CEP85: variants seen among roughly 807,000 people sequenced by gnomAD.
CEP85 encodes the protein centrosomal protein of 85 kDa.
A neutral mutation model predicts 93.7 loss-of-function variants in CEP85; 58 were observed. The ratio of observed to expected loss-of-function variants is 0.62; its 90% CI spans 0.50 to 0.77. The LOEUF (loss-of-function observed/expected upper bound fraction) is 0.77, where lower values mean the gene tolerates loss of function less well. Among genes scored for constraint, CEP85 ranks in the 30% least tolerant of loss-of-function variants. The pLI, the probability that CEP85 is intolerant of heterozygous loss-of-function variation, is 0.00. For missense variants in CEP85, 868 were observed against 922.0 expected (o/e 0.94, Z 0.76); for synonymous variants, 314 against 338.6 (o/e 0.93, Z 0.80).
intron 2 of CEP85, 107 bp downstream of exon 2, chr1:26,239,945 T>A: frequency 1.3e-6 from 1 of 795,580 alleles, no homozygotes; most frequent in Admixed American, 2.3e-5. Flanking sequence ...ATGCTGGTGC[T>A]AAAAGAATAA....
chr1:26,247,808 G>T (rs192687801), intron 3 of CEP85, among the ~76,000 whole-genome samples: 382 of 151,992 alleles, frequency 2.5e-3, no homozygotes, highest in Middle Eastern at 3.4e-3. Flanking sequence ...CACTCAGCCA[G>T]TTTGTTTTGT....
At chr1:26,272,693 A>G (rs1056409518) in intron 11 of CEP85, among the ~76,000 whole-genome samples, 1 of 142,246 alleles carries the variant, frequency 7.0e-6, no homozygotes, top group African/African-American at 2.7e-5. Context: ...CAATGGCGCA[A>G]TCTCGGCTCA....
intron 3 of CEP85, among the ~76,000 whole-genome samples, chr1:26,251,069 A>G (rs1306380178): frequency 6.7e-6 from 1 of 148,448 alleles, no homozygotes; most frequent in Non-Finnish European, 1.5e-5. Flanking sequence ...CAGCCTCCCG[A>G]GTAGCTGGGA....
intron 1 of CEP85, among the ~76,000 whole-genome samples, chr1:26,235,258 G>A (rs2089307352): frequency 6.6e-6 from 1 of 152,222 alleles, no homozygotes; most frequent in Non-Finnish European, 1.5e-5. Flanking sequence ...AGTAGGGGGC[G>A]GTGGTGATAC....
chr1:26,256,544 A>G (rs2089704697), intron 4 of CEP85, among the ~76,000 whole-genome samples: 1 of 151,670 alleles, frequency 6.6e-6, no homozygotes. Flanking sequence ...AAATAAATAA[A>G]TAAATGTGAA....
chr1:26,250,932 C>CT (rs869156420), intron 3 of CEP85, among the ~76,000 whole-genome samples: 1 of 17,506 alleles, frequency 5.7e-5, no homozygotes, highest in African/African-American at 1.9e-4. Flanking sequence ...TTTCTTTTTT[C>CT]TTTTTTTTTT....
intron 2 of CEP85, among the ~76,000 whole-genome samples, chr1:26,243,719 G>C (rs1022242831): frequency 2.0e-5 from 3 of 152,118 alleles, no homozygotes; most frequent in Non-Finnish European, 4.4e-5. Context: ...ACTAGCTCAG[G>C]CTTGGCGCAG....
chr1:26,259,529 A>G (rs2089773096), intron 6 of CEP85, 88 bp from the exon 7 acceptor site: 5 of 1,240,098 alleles, frequency 4.0e-6, no homozygotes, highest in Non-Finnish European at 5.6e-6. Context: ...GAAAAATGAT[A>G]TTTGACCGTG....
At chr1:26,257,565 A>T (rs185536583) in intron 4 of CEP85, 32 bp from the exon 5 acceptor site, 3 of 1,612,634 alleles carry the variant, frequency 1.9e-6, no homozygotes, top group East Asian at 4.5e-5. Flanking sequence ...ATGGGTCAAG[A>T]TCAAGCTCAT....
At chr1:26,254,192 G>C (rs1356007233) in intron 3 of CEP85, among the ~76,000 whole-genome samples, 2 of 152,134 alleles carry the variant, frequency 1.3e-5, no homozygotes, top group Non-Finnish European at 2.9e-5. Context: ...TAGTTGAAAA[G>C]AGAAGAAATT....
intron 3 of CEP85, among the ~76,000 whole-genome samples, chr1:26,251,186 G>A (rs554949038): frequency 2.7e-5 from 4 of 149,936 alleles, no homozygotes; most frequent in South Asian, 2.1e-4. Context: ...CAAATGATCC[G>A]CTTGCCTCTG....
chr1:26,239,874 C>T (rs773341552), intron 2 of CEP85, 36 bp downstream of exon 2: 2 of 1,507,016 alleles, frequency 1.3e-6, no homozygotes, highest in Non-Finnish European at 1.8e-6. Flanking sequence ...TAAATTCTGA[C>T]CTTTGTTCTG....
At chr1:26,268,426 C>T in intron 7 of CEP85, 57 bp from the exon 8 acceptor site, 1 of 1,604,224 alleles carries the variant, frequency 6.2e-7, no homozygotes, top group Non-Finnish European at 8.5e-7. Flanking sequence ...GCACTGCACT[C>T]CAGCAGGGTC....
At chr1:26,238,202 CTT>C (rs67466493) in intron 1 of CEP85, among the ~76,000 whole-genome samples, 6 of 88,290 alleles carry the variant, frequency 6.8e-5, no homozygotes, top group Admixed American at 1.4e-4. Context: ...GTCCCAAACT[CTT>C]TTTTTTTTTT....
Position 26,271,073 on chromosome 1 carries a change from A to T in CEP85, c.1709A>T (p.Glu570Val). 1 of 1,613,268 alleles carries T rather than the reference A, an allele frequency of 6.2e-7. No homozygotes were observed. The stretch of plus-strand genomic sequence containing the variant: ...GGAGAAGGTCCAGAAGTGGAAATGG[A>T]GTCCTGGCAGAAGCGATACGATTCG... ...TSGEGPEVEMESWQKRYDSLQ... is the reference protein window; with the variant it reads ...TSGEGPEVEMVSWQKRYDSLQ... The change falls in exon 10 of 14, where the codon GAG becomes GTG. Residue 570 changes from glutamate to valine, a missense_variant. Transcript: ENST00000451429.
chr1:26,241,244 A>ATTTTTTTTTTTTTTTTTTTTTTT (rs71004567), intron 2 of CEP85, among the ~76,000 whole-genome samples: 2 of 109,286 alleles, frequency 1.8e-5, no homozygotes, highest in Non-Finnish European at 3.6e-5. Flanking sequence ...ATTCAGCAGA[A>ATTTTTTTTTTTTTTTTTTTTTTT]TTTTTTTTTT....
chr1:26,244,288 A>G lies in CEP85; in HGVS notation c.178A>G (p.Ile60Val), dbSNP rs2089476071. The change falls in exon 3 of 14, where the codon ATT (isoleucine) becomes GTT (valine). Residue 60 changes from isoleucine (I) to valine (V), a missense_variant. Transcript: ENST00000451429. ...SSVADSGDTA[I>V]GTSCSDIAED... ...TGTAGCCGACAGTGGGGACACAGCCATTGGTACATCATGCTCAGATATTGC... is the reference window on the plus strand; with the variant it reads ...TGTAGCCGACAGTGGGGACACAGCCGTTGGTACATCATGCTCAGATATTGC... 10 of 1,614,112 alleles carry G rather than the reference A, an allele frequency of 6.2e-6. No homozygotes were observed. Among genetic ancestry groups the G allele is most frequent in the Non-Finnish European group, 8.5e-6 (10 of 1,180,014 alleles).
intron 7 of CEP85, chr1:26,262,962 C>T (rs1029166944): frequency 3.3e-5 from 5 of 153,028 alleles, no homozygotes; most frequent in African/African-American, 1.2e-4. Context: ...GTCTTAAACT[C>T]CTGGCCTCAG....
chr1:26,271,118 G>T lies in CEP85; in HGVS notation c.1743+11G>T, dbSNP rs374371505. On this transcript the variant is annotated intron_variant, in intron 10 of 13. Transcript: ENST00000451429. The stretch of plus-strand genomic sequence containing the variant: ...GATTCGCTCCAAAAGGTGACTGAGG[G>T]TGTCCAGGCTGTAACGGAGGGTAGG... 50 of 1,564,286 alleles carry T rather than the reference G, an allele frequency of 3.2e-5. No individual in the cohort carries two copies. The highest frequency in any genetic ancestry group is 1.7e-4 in the Admixed American group (10 of 59,916).
Sources: allele counts gnomAD v4.1 joint callset (sites outside exome capture counted in the v4.1 genomes callset), GRCh38; gene constraint gnomAD v4.1.1; transcripts MANE v1.5; gene names NCBI Gene and HGNC (gene_info 2026-07-23, HGNC 2026-07-21).